The following NTNG2 variants were observed in gnomAD, a reference collection of about 807,000 sequenced individuals.
The protein encoded by NTNG2 is netrin G2.
NTNG2 carries 15 observed loss-of-function variants against 47.6 expected under a neutral mutation model. The observed-to-expected ratio is 0.32, with a 90% confidence interval of 0.21 to 0.49. The LOEUF is 0.49. Ranked by LOEUF, NTNG2 falls within the 20% of genes least tolerant of loss-of-function variation. The probability of loss-of-function intolerance (pLI) is 0.99; values close to 1 mark genes in which losing one functional copy is unlikely to be tolerated. For synonymous variants in NTNG2, 307 were observed against 324.6 expected (o/e 0.95, Z 0.58); for missense variants, 578 against 764.6 (o/e 0.76, Z 2.88).
At chr9:132,227,944 G>A (rs1840907689) in intron 4 of NTNG2, among the ~76,000 whole-genome samples, 2 of 152,202 alleles carry the variant, frequency 1.3e-5, no homozygotes, top group Admixed American at 1.3e-4. Flanking sequence ...GTTGGTGTCC[G>A]AGGCCCTCCT....
chr9:132,171,172 A>C (rs1448695601), intron 2 of NTNG2, among the ~76,000 whole-genome samples: 1 of 152,188 alleles, frequency 6.6e-6, no homozygotes, highest in Non-Finnish European at 1.5e-5. Context: ...CCTCCTGACA[A>C]GAGCTACAGG....
intron 1 of NTNG2, among the ~76,000 whole-genome samples, chr9:132,165,832 G>C (rs1401922641): frequency 6.6e-6 from 1 of 152,160 alleles, no homozygotes; most frequent in South Asian, 2.1e-4. Flanking sequence ...TAACATGCCC[G>C]ATCTCCAAAT....
rs137862169 is a variant in NTNG2 at position 132,167,039 on chromosome 9, T to G, written c.208T>G (p.Ser70Ala). Residue 70 changes from serine (S) to alanine (A), a missense_variant, in exon 2 of 8, where the codon TCC (serine) becomes GCC (alanine). Transcript: ENST00000393229. ...TGGAGACCCCCCTGAGAGGTTCTGC[T>G]CCCATGTAAGTCCACTTACTGCTCT... Reference protein sequence around the residue: ...TCGDPPERFCSHENPYLCSNE... With the variant: ...TCGDPPERFCAHENPYLCSNE... 2.5e-6 allele frequency: 4 copies of G among 1,614,080 alleles called. No individual in the cohort carries two copies. In the African/African-American group the frequency reaches 5.3e-5, roughly 22 times the overall value.
At chr9:132,183,145 C>T (rs1229109409) in intron 2 of NTNG2, among the ~76,000 whole-genome samples, 2 of 152,206 alleles carry the variant, frequency 1.3e-5, no homozygotes, top group African/African-American at 4.8e-5. Context: ...GCAGGTGCTC[C>T]ATCCTCCTTC....
At position 132,215,253 on chromosome 9, in the gene NTNG2, T is replaced by C. The variant is rs572657443; in HGVS notation, c.858-11596T>C. ...TTTATTTGGGAAATCTGGCAACCAT[T>C]GTGGCATGGGGCTCTGTGGGGAAAT... On this transcript the variant is annotated intron_variant, in intron 3 of 7. Coordinates refer to ENST00000393229, the MANE Select transcript of NTNG2 (RefSeq NM_032536.4). The surrounding 1 kb of genome is among the most constrained non-coding windows in gnomAD (Gnocchi z 4.2). Among the ~76,000 whole-genome samples the C allele has an allele frequency of 9.2e-5, 14 of 152,202 alleles. No homozygotes were observed. Among genetic ancestry groups the C allele is most frequent in the African/African-American group, 3.1e-4 (13 of 41,528 alleles).
At chr9:132,241,208 G>T (rs1199864956) in intron 7 of NTNG2, among the ~76,000 whole-genome samples, 164 bp downstream of exon 7, 1 of 151,908 alleles carries the variant, frequency 6.6e-6, no homozygotes, top group Non-Finnish European at 1.5e-5. Context: ...ACGGGGAAGA[G>T]GCGGTGGGCG....
At position 132,221,568 on chromosome 9, in the gene NTNG2, A is replaced by C. The variant is rs538573317; in HGVS notation, c.858-5281A>C. Among the ~76,000 whole-genome samples, 3 of 152,222 alleles carry C rather than the reference A, an allele frequency of 2.0e-5. No individual in the cohort carries two copies. The highest frequency in any genetic ancestry group is 7.2e-5 in the African/African-American group (3 of 41,456). ...CCCTGCAGCCCTGCTAGACAGGGCA[A>C]TTCTCTCCTTTGGAAGAGGAGGCAC... On this transcript the variant is annotated intron_variant, in intron 3 of 7. Transcript: ENST00000393229. This position sits in a 1 kb window ranked among gnomAD's most constrained non-coding sequence, Gnocchi z 4.2.
At chr9:132,205,017 T>G (rs1366549235) in intron 3 of NTNG2, among the ~76,000 whole-genome samples, 2 of 152,222 alleles carry the variant, frequency 1.3e-5, no homozygotes, top group Non-Finnish European at 2.9e-5. Context: ...CTTCATGCAT[T>G]GCTGGTGGGA....
rs545516472 is a variant in NTNG2, at chr9:132,226,977, G to A, written c.986G>A (p.Arg329Gln). ...CKKNFRTRSW[R>Q]AGSYLPLPHG... The stretch of plus-strand genomic sequence containing the variant: ...AAGAATTTCCGCACCCGGTCCTGGC[G>A]GGCCGGCTCCTACCTGCCGCTGCCC... The change falls in exon 4 of 8, where the codon CGG becomes CAG. Residue 329 changes from arginine to glutamine, a missense_variant. Arg to Gln is a conservative substitution (Grantham distance 43, BLOSUM62 1). Transcript: ENST00000393229. This position sits in a 1 kb window ranked among gnomAD's most constrained non-coding sequence, Gnocchi z 4.8. The A allele has an allele frequency of 8.7e-6, 14 of 1,610,780 alleles. No individual in the cohort carries two copies. Among genetic ancestry groups the A allele is most frequent in the African/African-American group, 2.7e-5 (2 of 74,912 alleles).
rs1839880001 is a variant in NTNG2, at chr9:132,215,120, T to TCCTGGATTTTGAGATTA, written c.858-11725_858-11724insGATTTTGAGATTACCTG. 3.3e-5 allele frequency among the ~76,000 whole-genome samples: 5 copies of TCCTGGATTTTGAGATTA among 151,290 alleles called. No homozygotes were observed. Among genetic ancestry groups the TCCTGGATTTTGAGATTA allele is most frequent in the Admixed American group, 2.0e-4 (3 of 15,152 alleles). ...TTTCTTGCCCAGGCTGGTCTCAAAC[T>TCCTGGATTTTGAGATTA]CCTGTTCTCAGGTAATCCTCCTGCC... is the stretch of plus-strand genomic sequence containing the variant. On this transcript the variant is annotated intron_variant, in intron 3 of 7. Coordinates refer to ENST00000393229, the MANE Select transcript of NTNG2 (RefSeq NM_032536.4). This position sits in a 1 kb window ranked among gnomAD's most constrained non-coding sequence, Gnocchi z 4.2.
chr9:132,214,760 AATT>A (rs1449491471), intron 3 of NTNG2, among the ~76,000 whole-genome samples: 1 of 152,208 alleles, frequency 6.6e-6, no homozygotes, highest in African/African-American at 2.4e-5. Flanking sequence ...GTTAAACCTG[AATT>A]TCAGATAAAC....
At chr9:132,189,965 G>T (rs1216792394) in intron 2 of NTNG2, among the ~76,000 whole-genome samples, 1 of 146,578 alleles carries the variant, frequency 6.8e-6, no homozygotes, top group Non-Finnish European at 1.5e-5. Context: ...ATTTTAAGAA[G>T]GTTTTAGCCT....
At position 132,163,277 on chromosome 9, in the gene NTNG2, C is replaced by A. The variant is rs551391438; in HGVS notation, c.-484+1038C>A. On this transcript the variant is annotated intron_variant, in intron 1 of 7. Coordinates refer to ENST00000393229, the MANE Select transcript of NTNG2 (RefSeq NM_032536.4). This position sits in a 1 kb window ranked among gnomAD's most constrained non-coding sequence, Gnocchi z 7.2. The stretch of plus-strand genomic sequence containing the variant: ...CGAAGCACTGACTCGACCCTGGCCC[C>A]GGCCTCGACCCCGCCCGCGGCCCGC... Among the ~76,000 whole-genome samples, 1 of 152,044 alleles carries A rather than the reference C, an allele frequency of 6.6e-6. No homozygotes were observed. The highest frequency in any genetic ancestry group is 1.5e-5 in the Non-Finnish European group (1 of 67,948).
intron 2 of NTNG2, among the ~76,000 whole-genome samples, chr9:132,175,472 T>C (rs1047600491): frequency 6.6e-6 from 1 of 152,176 alleles, no homozygotes; most frequent in Admixed American, 6.5e-5. Flanking sequence ...CCATGGCCCC[T>C]GACCGGGGCT....
At chr9:132,229,584 G>A (rs891632187) in intron 4 of NTNG2, among the ~76,000 whole-genome samples, 2 of 152,190 alleles carry the variant, frequency 1.3e-5, no homozygotes, top group African/African-American at 4.8e-5. Context: ...GCCTCACTTG[G>A]TCACCACCCA....
Position 132,180,861 on chromosome 9 carries a change from C to T in NTNG2, c.213+13817C>T, listed in dbSNP as rs774478909. On this transcript the variant is annotated intron_variant, in intron 2 of 7. Transcript: ENST00000393229. The surrounding 1 kb of genome is among the most constrained non-coding windows in gnomAD (Gnocchi z 4.2). ...ATCCATGGTGCTCTTCCTAGAACCA[C>T]GCATGTGCACACGTGTGTGCAAACA... Among the ~76,000 whole-genome samples the T allele has an allele frequency of 4.7e-4, 71 of 152,328 alleles. No homozygotes were observed. Among genetic ancestry groups the T allele is most frequent in the Middle Eastern group, 3.4e-3 (1 of 294 alleles).
At chr9:132,184,798 G>A (rs866834385) in intron 2 of NTNG2, among the ~76,000 whole-genome samples, 32 of 152,172 alleles carry the variant, frequency 2.1e-4, no homozygotes, top group Non-Finnish European at 2.9e-4. Flanking sequence ...AGGCACATCC[G>A]GTAATCCCAG....
intron 5 of NTNG2, among the ~76,000 whole-genome samples, chr9:132,234,426 C>T (rs932463708): frequency 6.6e-6 from 1 of 152,190 alleles, no homozygotes; most frequent in Non-Finnish European, 1.5e-5. Flanking sequence ...CAGGCCATGG[C>T]GAGAACTTGC....
chr9:132,208,903 G>C lies in NTNG2; in HGVS notation c.857+10294G>C, dbSNP rs1247637404. Among the ~76,000 whole-genome samples, 1 of 151,736 alleles carries C rather than the reference G, an allele frequency of 6.6e-6. No homozygotes were observed. Among genetic ancestry groups the C allele is most frequent in the Non-Finnish European group, 1.5e-5 (1 of 68,016 alleles). ...CGAGACCCCTGGAAGCCCCCATCCT[G>C]CTCCCTGAAAATCTGCTGTAAGTGG... On this transcript the variant is annotated intron_variant, in intron 3 of 7. Coordinates refer to ENST00000393229, the MANE Select transcript of NTNG2 (RefSeq NM_032536.4). This position sits in a 1 kb window ranked among gnomAD's most constrained non-coding sequence, Gnocchi z 4.0.
Sources: allele counts gnomAD v4.1 joint callset (sites outside exome capture counted in the v4.1 genomes callset), GRCh38; gene constraint gnomAD v4.1.1; non-coding constraint Gnocchi (gnomAD v3.1); transcripts MANE v1.5; gene names NCBI Gene and HGNC (gene_info 2026-07-23, HGNC 2026-07-21).